The following PKN2 variants were observed in gnomAD, a reference collection of about 807,000 sequenced individuals.
The protein encoded by PKN2 is serine/threonine-protein kinase N2.
A neutral mutation model predicts 119.1 loss-of-function variants in PKN2; 38 were observed. That is an observed-to-expected ratio of 0.32 (90% confidence interval 0.25 to 0.42). The LOEUF (loss-of-function observed/expected upper bound fraction) is 0.42. Ranked by LOEUF, PKN2 falls within the 10% of genes least tolerant of loss-of-function variation. The pLI is 1.00. For synonymous variants in PKN2, 390 were observed against 384.9 expected (o/e 1.01, Z -0.15); for missense variants, 850 against 1,165.1 (o/e 0.73, Z 3.94).
Position 88,684,319 on chromosome 1 carries a change from C to G in PKN2, c.-262C>G, listed in dbSNP as rs1449338137. ...AGAGGCTTGAGGCGGCTCCTGGCGT[C>G]GCCCAGAGGGAGCGACTAGACGAAC... On this transcript the variant is annotated 5_prime_UTR_variant, in exon 1 of 22. Transcript: ENST00000370521. 1 of 407,010 alleles carries G rather than the reference C, an allele frequency of 2.5e-6. No individual in the cohort carries two copies. Among genetic ancestry groups the G allele is most frequent in the East Asian group, 3.8e-5 (1 of 26,132 alleles). 25.2% of individuals were successfully genotyped at this position (407,010 alleles called of 1,614,324 possible). A position where few individuals can be genotyped will look rare whatever the true frequency, so the allele number is the denominator to read the frequency against.
At chr1:88,719,754 C>T (rs564721436) in intron 1 of PKN2, among the ~76,000 whole-genome samples, 3 of 152,170 alleles carry the variant, frequency 2.0e-5, no homozygotes, top group Admixed American at 2.0e-4. Context: ...TTTCAACATT[C>T]TTATGTTTCA....
rs1371674724 is a variant in PKN2 at position 88,834,608 on chromosome 1, G to A, written c.*1160G>A. The stretch of plus-strand genomic sequence containing the variant: ...AGGGCAAAAGCAATATATTGTAACA[G>A]AATGTATAAATATTTTTGATAAAAC... On this transcript the variant is annotated 3_prime_UTR_variant, in exon 22 of 22. Coordinates refer to ENST00000370521, the MANE Select transcript of PKN2 (RefSeq NM_006256.4). The A allele has an allele frequency of 3.3e-5, 5 of 152,304 alleles. No individual in the cohort carries two copies. Among genetic ancestry groups the A allele is most frequent in the African/African-American group, 1.2e-4 (5 of 41,372 alleles). 9.4% of individuals were successfully genotyped at this position (152,304 alleles called of 1,614,324 possible).
At chr1:88,763,813 CAA>C (rs1235195526) in intron 3 of PKN2, among the ~76,000 whole-genome samples, 2 of 151,970 alleles carry the variant, frequency 1.3e-5, no homozygotes, top group East Asian at 3.9e-4. Context: ...GAGGCAGAGT[CAA>C]AGATTATTCT....
intron 16 of PKN2, among the ~76,000 whole-genome samples, chr1:88,818,950 A>G (rs1157671336): frequency 6.6e-6 from 1 of 150,470 alleles, no homozygotes; most frequent in African/African-American, 2.5e-5. Context: ...TATTTAATAA[A>G]TGGTGTTGGG....
chr1:88,813,586 CTG>C lies in PKN2; in HGVS notation c.2135_2136del (p.Val712GlufsTer2). 6.3e-7 allele frequency: 1 copy of C among 1,594,108 alleles called. No homozygotes were observed. The highest frequency in any genetic ancestry group is 8.5e-7 in the Non-Finnish European group (1 of 1,172,080). On this transcript the variant is annotated frameshift_variant, in exon 16 of 22. Transcript: ENST00000370521. LOFTEE classifies it high-confidence loss of function. ...ATGTGTGAAAAAAGAATTTTTGAAA[CTG>C]TGAATAGTGTAAGGCATCCCTTTTT...
At chr1:88,782,194 T>A (rs1010794973) in intron 6 of PKN2, among the ~76,000 whole-genome samples, 6 of 152,124 alleles carry the variant, frequency 3.9e-5, no homozygotes, top group African/African-American at 1.4e-4. Flanking sequence ...TCTTAATCTT[T>A]GTTCCTCTCT....
intron 6 of PKN2, among the ~76,000 whole-genome samples, chr1:88,779,036 T>G (rs543653955): frequency 1.3e-5 from 2 of 152,324 alleles, no homozygotes; most frequent in African/African-American, 4.8e-5. Flanking sequence ...GATTTTCTAG[T>G]TACGTGAAAT....
At chr1:88,743,149 C>T (rs1266290943) in intron 2 of PKN2, among the ~76,000 whole-genome samples, 2 of 152,198 alleles carry the variant, frequency 1.3e-5, no homozygotes, top group African/African-American at 4.8e-5. Flanking sequence ...AAGATCGTGC[C>T]ACTGCCCTCC....
At chr1:88,826,798 A>G (rs989886452) in intron 18 of PKN2, among the ~76,000 whole-genome samples, 1 of 152,220 alleles carries the variant, frequency 6.6e-6, no homozygotes, top group Non-Finnish European at 1.5e-5. Context: ...TTACCAGTCT[A>G]CAAGAAACAT....
intron 1 of PKN2, among the ~76,000 whole-genome samples, chr1:88,721,238 C>T (rs1043957632): frequency 1.3e-5 from 2 of 151,930 alleles, no homozygotes; most frequent in African/African-American, 4.8e-5. Context: ...TACATTCCCA[C>T]CAGCAGTGTA....
chr1:88,748,826 T>G (rs1476035983), intron 2 of PKN2, among the ~76,000 whole-genome samples: 1 of 152,092 alleles, frequency 6.6e-6, no homozygotes, highest in Non-Finnish European at 1.5e-5. Flanking sequence ...TCCCAGCTAC[T>G]TGGGAGGCTG....
chr1:88,825,332 C>T lies in PKN2; in HGVS notation c.2419+946C>T, dbSNP rs989567578. ...CAATTTTTTGACTAGCAGCTATATC[C>T]TAATGACTCCCAAATCTATTATTTC... On this transcript the variant is annotated intron_variant, in intron 18 of 21. Coordinates refer to ENST00000370521, the MANE Select transcript of PKN2 (RefSeq NM_006256.4). 3.3e-5 allele frequency among the ~76,000 whole-genome samples: 5 copies of T among 152,292 alleles called. No individual in the cohort carries two copies. In the South Asian group the frequency reaches 1.0e-3, roughly 32 times the overall value.
At chr1:88,786,308 C>G (rs1670571559) in intron 8 of PKN2, 95 bp downstream of exon 8, 1 of 584,116 alleles carries the variant, frequency 1.7e-6, no homozygotes, top group South Asian at 2.8e-5. Context: ...GTATTCTTAA[C>G]AAGAATAAAA....
chr1:88,759,421 A>C (rs1669350887), intron 2 of PKN2, among the ~76,000 whole-genome samples: 1 of 152,080 alleles, frequency 6.6e-6, no homozygotes, highest in South Asian at 2.1e-4. Context: ...TATGATTTGC[A>C]TTTCTCTAAT....
In PKN2 at chr1:88,805,564, A is replaced by T. The variant is rs1317807269; in HGVS notation, c.1569A>T (p.Arg523Ser). 1.2e-6 allele frequency: 2 copies of T among 1,613,908 alleles called. No individual in the cohort carries two copies. ...NIATWGRLVRRAIPTVNHSGT... is the reference protein window; with the variant it reads ...NIATWGRLVRSAIPTVNHSGT... ...CCACTTGGGGAAGGCTAGTAAGAAG[A>T]GCTATTCCTACAGTAAATCATTCTG... Residue 523 changes from arginine to serine, a missense_variant, in exon 11 of 22, where the codon AGA becomes AGT. Transcript: ENST00000370521.
At chr1:88,825,810 A>G (rs1054559509) in intron 18 of PKN2, among the ~76,000 whole-genome samples, 9 of 152,190 alleles carry the variant, frequency 5.9e-5, no homozygotes, top group Non-Finnish European at 1.3e-4. Flanking sequence ...TTCAGTGGCT[A>G]GGATAAGGTG....
intron 18 of PKN2, among the ~76,000 whole-genome samples, chr1:88,825,427 C>T (rs537193464): frequency 1.6e-4 from 24 of 152,252 alleles, no homozygotes; most frequent in Admixed American, 6.5e-4. Flanking sequence ...AGTGAAGAGA[C>T]ACCTCAAACA....
At chr1:88,731,699 G>A (rs2100727601) in intron 1 of PKN2, among the ~76,000 whole-genome samples, 1 of 152,236 alleles carries the variant, frequency 6.6e-6, no homozygotes, top group East Asian at 1.9e-4. Context: ...GCATCTATCA[G>A]GTCAGACTGT....
At chr1:88,701,099 A>G (rs959632374) in intron 1 of PKN2, among the ~76,000 whole-genome samples, 3 of 152,210 alleles carry the variant, frequency 2.0e-5, no homozygotes, top group African/African-American at 7.2e-5. Context: ...AATGTTTATT[A>G]TTAAAAACAA....
Sources: allele counts gnomAD v4.1 joint callset (sites outside exome capture counted in the v4.1 genomes callset), GRCh38; gene constraint gnomAD v4.1.1; transcripts MANE v1.5; gene names NCBI Gene and HGNC (gene_info 2026-07-23, HGNC 2026-07-21).